EIF4B: variants seen among roughly 807,000 people sequenced by gnomAD.
EIF4B encodes eukaryotic translation initiation factor 4B.
EIF4B carries 8 observed loss-of-function variants against 79.3 expected under a neutral mutation model. That is an observed-to-expected ratio of 0.10 (90% CI 0.06 to 0.18). The LOEUF is 0.18. Ranked by LOEUF, EIF4B falls within the 10% of genes least tolerant of loss-of-function variation. EIF4B has a pLI of 1.00. For missense variants in EIF4B, 515 were observed against 792.4 expected, an observed-to-expected ratio of 0.65 and a Z score of 4.20; for synonymous variants, 238 against 274.7, an observed-to-expected ratio of 0.87 and a Z score of 1.32.
chr12:53,027,833 G>C lies in EIF4B; in HGVS notation c.719G>C (p.Gly240Ala), dbSNP rs1470709344. 1 of 1,613,604 alleles carries C rather than the reference G, an allele frequency of 6.2e-7. No individual in the cohort carries two copies. Among genetic ancestry groups the C allele is most frequent in the Non-Finnish European group, 8.5e-7 (1 of 1,179,790 alleles). Reference protein sequence around the residue: ...SDRYRDGYRDGYRDGPRRDMD... With the variant: ...SDRYRDGYRDAYRDGPRRDMD... Reference sequence around the variant, plus strand: ...CGGTATCGGGATGGGTATCGGGATGGGTATCGGGATGGCCCACGCCGGGAT... The same window carrying C: ...CGGTATCGGGATGGGTATCGGGATGCGTATCGGGATGGCCCACGCCGGGAT... The change falls in exon 7 of 15, where the codon GGG becomes GCG. Residue 240 changes from glycine to alanine, a missense_variant. By Grantham distance (60) the Gly-to-Ala change is moderately conservative (BLOSUM62 0). Transcript: ENST00000262056.
chr12:53,010,540 A>G (rs1943046958), intron 1 of EIF4B, among the ~76,000 whole-genome samples: 1 of 136,000 alleles, frequency 7.4e-6, no homozygotes, highest in Admixed American at 8.2e-5. Flanking sequence ...AAACACCAAT[A>G]TAATTAGTCT....
chr12:53,038,640 C>T (rs938782209), intron 12 of EIF4B: 9 of 222,336 alleles, frequency 4.0e-5, no homozygotes, highest in African/African-American at 4.6e-5. Context: ...GGTGAAACCC[C>T]GTCTCTATTA....
chr12:53,010,822 C>G (rs543863017), intron 1 of EIF4B, among the ~76,000 whole-genome samples: 30 of 152,286 alleles, frequency 2.0e-4, no homozygotes, highest in Admixed American at 1.6e-3. Flanking sequence ...ATCTTCCCAC[C>G]TTGGCCTCCC....
rs767901765 is a variant in EIF4B, at chr12:53,027,989, G to A, written c.806-26G>A. On this transcript the variant is annotated intron_variant, in intron 7 of 14. Coordinates refer to ENST00000262056, the MANE Select transcript of EIF4B (RefSeq NM_001417.7). ...TTTTTTTTTCCCCCTCCGCTGTGAT[G>A]ATTATAATTTGGGATATATTTACAG... 2.5e-6 allele frequency: 4 copies of A among 1,607,536 alleles called. No individual in the cohort carries two copies. In the East Asian group the frequency reaches 8.9e-5, roughly 36 times the overall value.
chr12:53,037,448 A>G lies in EIF4B; in HGVS notation c.1346A>G (p.Glu449Gly). ...RRESEKSLENETLNKEEDCHS... is the reference protein window; with the variant it reads ...RRESEKSLENGTLNKEEDCHS... ...GAGAGTGAGAAGTCTCTAGAAAATG[A>G]AACACTCAATAAGGAGGAAGATTGC... Residue 449 changes from glutamate (E) to glycine (G), a missense_variant, in exon 11 of 15, where the codon GAA becomes GGA. This residue lies in a region of EIF4B where 146 missense variants were observed against 228.0 expected (regional missense o/e 0.64). Coordinates refer to ENST00000262056, the MANE Select transcript of EIF4B (RefSeq NM_001417.7). 1 of 1,613,156 alleles carries G rather than the reference A, an allele frequency of 6.2e-7. No individual in the cohort carries two copies. The highest frequency in any genetic ancestry group is 8.5e-7 in the Non-Finnish European group (1 of 1,179,696).
At chr12:53,021,966 C>T in intron 5 of EIF4B, 106 bp downstream of exon 5, 3 of 1,333,006 alleles carry the variant, frequency 2.3e-6, no homozygotes, top group Non-Finnish European at 3.2e-6. Context: ...CTGCCTGAAT[C>T]TACAGTAACA....
Position 53,006,928 on chromosome 12 carries a change from TG to T in EIF4B, c.13+438del, listed in dbSNP as rs545345098. ...GGCGCGAGGCTGTAGCGGACCGGAG[TG>T]GGGGGTAGGGGAGTAAGTGTGGTGG... On this transcript the variant is annotated intron_variant, in intron 1 of 14. Transcript: ENST00000262056. 4.0e-4 allele frequency among the ~76,000 whole-genome samples: 20 copies of T among 49,870 alleles called. No homozygotes were observed. In the East Asian group the frequency reaches 0.013, roughly 33 times the overall value. The allele number at this position is 49,870 out of a possible 152,430, so 32.7% of individuals were successfully genotyped here.
chr12:53,016,722 C>A, intron 2 of EIF4B, 112 bp downstream of exon 2: 1 of 1,391,538 alleles, frequency 7.2e-7, no homozygotes, highest in Non-Finnish European at 9.6e-7. Context: ...CATTTTTTAG[C>A]ACCTGAAATC....
intron 5 of EIF4B, 127 bp downstream of exon 5, chr12:53,021,987 A>T: frequency 8.5e-7 from 1 of 1,172,228 alleles, no homozygotes; most frequent in South Asian, 1.4e-5. Context: ...GTTTTCAATC[A>T]GTTTTGCCCC....
intron 9 of EIF4B, among the ~76,000 whole-genome samples, 188 bp downstream of exon 9, chr12:53,034,222 G>A (rs917192555): frequency 2.6e-5 from 4 of 152,228 alleles, no homozygotes; most frequent in Admixed American, 2.0e-4. Flanking sequence ...ACACAATGAA[G>A]AGTTGTTCCC....
At chr12:53,006,885 A>AT (rs1246266064) in intron 1 of EIF4B, among the ~76,000 whole-genome samples, 2 of 148,286 alleles carry the variant, frequency 1.3e-5, no homozygotes, top group Non-Finnish European at 3.0e-5. Context: ...ACGAGTGCAC[A>AT]TTAGACTACG....
intron 3 of EIF4B, among the ~76,000 whole-genome samples, chr12:53,019,431 A>ATTTTTTTTTTTTTT (rs1555151903): frequency 5.7e-5 from 2 of 35,172 alleles, no homozygotes; most frequent in Non-Finnish European, 1.8e-4. Flanking sequence ...AATTATATAT[A>ATTTTTTTTTTTTTT]TATATATTTT....
chr12:53,040,106 G>C (rs1341876372), intron 14 of EIF4B, 37 bp from the exon 15 acceptor site: 1 of 1,611,218 alleles, frequency 6.2e-7, no homozygotes, highest in Non-Finnish European at 8.5e-7. Context: ...TGATAATTCA[G>C]GGCCTTCATT....
intron 8 of EIF4B, among the ~76,000 whole-genome samples, chr12:53,028,556 CAAAAA>C: frequency 1.3e-5 from 1 of 74,920 alleles, no homozygotes; most frequent in South Asian, 3.9e-4. Flanking sequence ...CTCCCCATCT[CAAAAA>C]AAAAAAAAAA....
Position 53,042,018 on chromosome 12 carries a change from C to G in EIF4B, c.*1795C>G, listed in dbSNP as rs1943648801. ...TTCCCTCTCCCCTACCTTGTCCCCC[C>G]TATTAAAATAGAAACAGGGATTGAT... On this transcript the variant is annotated 3_prime_UTR_variant, in exon 15 of 15. Transcript: ENST00000262056. The G allele has an allele frequency of 6.6e-6, 1 of 152,578 alleles. No homozygotes were observed. Among genetic ancestry groups the G allele is most frequent in the Non-Finnish European group, 1.5e-5 (1 of 68,030 alleles). 9.5% of individuals were successfully genotyped at this position (152,578 alleles called of 1,614,324 possible).
chr12:53,014,653 T>C (rs1943119842), intron 1 of EIF4B: 1 of 152,180 alleles, frequency 6.6e-6, no homozygotes, highest in Non-Finnish European at 1.5e-5. Flanking sequence ...GTTACCTTTA[T>C]TTCCTGAAAG....
At chr12:53,030,960 G>A (rs1029760729) in intron 8 of EIF4B, among the ~76,000 whole-genome samples, 3 of 151,802 alleles carry the variant, frequency 2.0e-5, no homozygotes, top group African/African-American at 7.3e-5. Flanking sequence ...CCCACCAAGA[G>A]CTGCATACCT....
In EIF4B at chr12:53,041,122, T is replaced by G. The variant is rs1943628921; in HGVS notation, c.*899T>G. 6.6e-6 allele frequency: 1 copy of G among 152,200 alleles called. No individual in the cohort carries two copies. The highest frequency in any genetic ancestry group is 1.5e-5 in the Non-Finnish European group (1 of 68,038). The allele number at this position is 152,200 out of a possible 1,614,324, so 9.4% of individuals were successfully genotyped here. A position where few individuals can be genotyped will look rare whatever the true frequency, so the allele number is the denominator to read the frequency against. ...AAACCTTGAAACTAAAAATTTAGAC[T>G]CTTATCATCATCTTAAGTTCTTCAT... On this transcript the variant is annotated 3_prime_UTR_variant, in exon 15 of 15. Coordinates refer to ENST00000262056, the MANE Select transcript of EIF4B (RefSeq NM_001417.7).
intron 1 of EIF4B, among the ~76,000 whole-genome samples, chr12:53,013,226 T>G (rs1266047457): frequency 6.6e-6 from 1 of 152,202 alleles, no homozygotes; most frequent in Non-Finnish European, 1.5e-5. Flanking sequence ...TTCAGATTGT[T>G]AATGTTCTTT....
Sources: allele counts gnomAD v4.1 joint callset (sites outside exome capture counted in the v4.1 genomes callset), GRCh38; gene constraint gnomAD v4.1.1; regional missense constraint gnomAD v4.1.1; transcripts MANE v1.5; gene names NCBI Gene and HGNC (gene_info 2026-07-23, HGNC 2026-07-21).